Variants in UMAD1 observed in about 807,000 individuals in gnomAD.
The protein encoded by UMAD1 is UBAP1-MVB12-associated (UMA)-domain containing protein 1.
In UMAD1, 8 loss-of-function variants were observed where a neutral mutation model predicts 6.1. The observed-to-expected ratio is 1.30, with a 90% CI of 0.76 to 2.35. UMAD1 has a LOEUF of 2.35. Ranked by LOEUF, UMAD1 falls within the 30% of genes most tolerant of loss-of-function variation. The probability of loss-of-function intolerance (pLI) is 0.00; values close to 1 mark genes in which losing one functional copy is unlikely to be tolerated. For missense variants in UMAD1, 130 were observed against 78.4 expected, an observed-to-expected ratio of 1.66 and a Z score of -2.49; for synonymous variants, 56 against 31.4, an observed-to-expected ratio of 1.78 and a Z score of -2.61.
chr7:7,742,487 T>C, intron 2 of UMAD1: 3 of 525,920 alleles, frequency 5.7e-6, no homozygotes, highest in South Asian at 1.4e-5. Flanking sequence ...AACACTGCCT[T>C]CTTGGCCTTC....
chr7:7,716,881 G>C (rs113120048), intron 2 of UMAD1, among the ~76,000 whole-genome samples: 11,219 of 152,062 alleles, frequency 0.074, 1,301 homozygotes, highest in African/African-American at 0.25. Flanking sequence ...GGGAGGCGGA[G>C]CATGCTATGT....
chr7:7,762,004 G>C (rs1425821230), intron 2 of UMAD1, among the ~76,000 whole-genome samples: 1 of 152,194 alleles, frequency 6.6e-6, no homozygotes, highest in Non-Finnish European at 1.5e-5. Context: ...TGAAAGATCA[G>C]TTGCAGGTTT....
At chr7:7,681,177 A>G (rs375230181) in intron 2 of UMAD1, among the ~76,000 whole-genome samples, 9 of 152,140 alleles carry the variant, frequency 5.9e-5, no homozygotes, top group African/African-American at 2.2e-4. Flanking sequence ...GGCCTTTATA[A>G]CCCATTTCTA....
intron 2 of UMAD1, among the ~76,000 whole-genome samples, chr7:7,788,214 A>G (rs1263250081): frequency 6.6e-6 from 1 of 152,202 alleles, no homozygotes; most frequent in Non-Finnish European, 1.5e-5. Context: ...TTTGGAGAAG[A>G]AGGAGAACGT....
intron 2 of UMAD1, among the ~76,000 whole-genome samples, chr7:7,796,993 T>C (rs1782697699): frequency 6.6e-6 from 1 of 152,194 alleles, no homozygotes; most frequent in Non-Finnish European, 1.5e-5. Flanking sequence ...TTAGTCTGTT[T>C]ATGTTGCTAT....
Position 7,877,359 on chromosome 7 carries a change from A to G in UMAD1, c.235A>G (p.Ser79Gly), listed in dbSNP as rs1424811057. Residue 79 changes from serine (S) to glycine (G), a missense_variant, in exon 4 of 4, where the codon AGC (serine) becomes GGC (glycine). Ser to Gly is a moderately conservative substitution (Grantham distance 56). Coordinates refer to ENST00000682710, the MANE Select transcript of UMAD1 (RefSeq NM_001302348.2). ...TAAGGCAGGCCAGACTCTGGAGAAC[A>G]GCTCATTAATGGCCGAGCTCCTGAG... ...ENKAGQTLEN[S>G]SLMAELLSDV... 1.4e-6 allele frequency: 1 copy of G among 717,564 alleles called. No individual in the cohort carries two copies. The allele number at this position is 717,564 out of a possible 1,614,324, so 44.4% of individuals were successfully genotyped here.
chr7:7,858,550 G>A (rs1476721700), intron 3 of UMAD1, among the ~76,000 whole-genome samples: 1 of 152,184 alleles, frequency 6.6e-6, no homozygotes. Flanking sequence ...CTGGTACTGG[G>A]TTTTAAAAGT....
At chr7:7,662,508 G>T (rs958437343) in intron 1 of UMAD1, among the ~76,000 whole-genome samples, 26 of 152,162 alleles carry the variant, frequency 1.7e-4, no homozygotes, top group Admixed American at 1.3e-4. Context: ...CGTAGTATCC[G>T]GACCGGAGTG....
chr7:7,834,016 CTTTTTT>C (rs4034895), intron 3 of UMAD1, among the ~76,000 whole-genome samples: 5 of 110,484 alleles, frequency 4.5e-5, no homozygotes, highest in Non-Finnish European at 7.4e-5. Flanking sequence ...TTTTTCTTTT[CTTTTTT>C]TTTTTTTTTT....
At chr7:7,692,375 G>A (rs1481837054) in intron 2 of UMAD1, 3 of 152,152 alleles carry the variant, frequency 2.0e-5, no homozygotes, top group Non-Finnish European at 4.4e-5. Flanking sequence ...GGAGGAGAAA[G>A]ACATTCCAAG....
intron 2 of UMAD1, among the ~76,000 whole-genome samples, chr7:7,710,129 C>T (rs1226030750): frequency 5.3e-5 from 8 of 152,058 alleles, no homozygotes. Context: ...ATCTTTAGTT[C>T]TTTCATTTTT....
chr7:7,681,277 G>T (rs144946366), intron 2 of UMAD1, among the ~76,000 whole-genome samples: 80 of 152,088 alleles, frequency 5.3e-4, no homozygotes, highest in African/African-American at 1.9e-3. Flanking sequence ...AAGCATTTCT[G>T]CTTAACACAA....
intron 2 of UMAD1, among the ~76,000 whole-genome samples, chr7:7,725,239 G>A (rs1356766907): frequency 2.6e-5 from 4 of 152,158 alleles, no homozygotes; most frequent in African/African-American, 9.7e-5. Flanking sequence ...TCCTCATTTG[G>A]GTGTTTTACA....
chr7:7,827,147 A>ATG lies in UMAD1; in HGVS notation c.156+25434_156+25435dup, dbSNP rs60211625. Among the ~76,000 whole-genome samples the ATG allele has an allele frequency of 3.1e-3, 415 of 134,176 alleles. 4 individuals are homozygous for ATG. Among genetic ancestry groups the ATG allele is most frequent in the South Asian group, 0.012 (47 of 4,024 alleles). 88.0% of individuals were successfully genotyped at this position (134,176 alleles called of 152,430 possible). On this transcript the variant is annotated intron_variant, in intron 3 of 3. Transcript: ENST00000682710. ...GATATATATATATATATATATATAT[A>ATG]TGTGTGTGTGTGTGTGTGTGTGTGT...
intron 2 of UMAD1, among the ~76,000 whole-genome samples, chr7:7,778,946 T>G (rs578056874): frequency 6.6e-6 from 1 of 152,206 alleles, no homozygotes; most frequent in Non-Finnish European, 1.5e-5. Flanking sequence ...GCTAAGCATT[T>G]TATATGGATG....
intron 2 of UMAD1, chr7:7,738,827 G>T (rs1781408250): frequency 6.6e-6 from 1 of 152,226 alleles, no homozygotes; most frequent in Admixed American, 6.5e-5. Flanking sequence ...ATGTGCAGGT[G>T]CCTTGACATG....
intron 2 of UMAD1, among the ~76,000 whole-genome samples, chr7:7,732,237 A>G (rs943567247): frequency 6.6e-6 from 1 of 152,062 alleles, no homozygotes; most frequent in Non-Finnish European, 1.5e-5. Flanking sequence ...AGATCCTCCC[A>G]TGAAGTTCCA....
At chr7:7,718,474 G>A (rs2115180420) in intron 2 of UMAD1, 1 of 152,136 alleles carries the variant, frequency 6.6e-6, no homozygotes. Flanking sequence ...TTATTTTGAA[G>A]GAAAAAACTA....
chr7:7,683,173 G>A (rs1206317578), intron 2 of UMAD1, among the ~76,000 whole-genome samples: 2 of 152,074 alleles, frequency 1.3e-5, no homozygotes, highest in Non-Finnish European at 2.9e-5. Flanking sequence ...TTTTTTTCGG[G>A]GACTCAGTGG....
Sources: allele counts gnomAD v4.1 joint callset (sites outside exome capture counted in the v4.1 genomes callset), GRCh38; gene constraint gnomAD v4.1.1; transcripts MANE v1.5; gene names NCBI Gene and HGNC (gene_info 2026-07-23, HGNC 2026-07-21).